FRMPD4: variants seen among roughly 807,000 people sequenced by gnomAD.
The protein encoded by FRMPD4 is FERM and PDZ domain-containing protein 4.
FRMPD4 carries 22 observed loss-of-function variants against 94.1 expected under a neutral mutation model. The observed-to-expected ratio is 0.23, with a 90% CI of 0.17 to 0.33. The LOEUF is 0.33. Among genes scored for constraint, FRMPD4 ranks in the 10% least tolerant of loss-of-function variants. The probability of loss-of-function intolerance (pLI) is 1.00; values close to 1 mark genes in which losing one functional copy is unlikely to be tolerated. For missense variants in FRMPD4, 1,111 were observed against 1,339.9 expected (o/e 0.83, Z 2.67); for synonymous variants, 631 against 548.6 (o/e 1.15, Z -2.10).
At chrX:12,657,766 T>C (rs916808858) in intron 4 of FRMPD4, among the ~76,000 whole-genome samples, 2 of 112,442 alleles carry the variant, frequency 1.8e-5, no homozygotes, top group Non-Finnish European at 3.8e-5. Context: ...GAATAATTAA[T>C]TAACAGAATC....
intron 5 of FRMPD4, among the ~76,000 whole-genome samples, chrX:12,678,662 C>G (rs763749378): frequency 5.7e-4 from 64 of 111,791 alleles, no homozygotes; most frequent in Non-Finnish European, 1.0e-3. Flanking sequence ...CCCGTCTCTA[C>G]TAAAAATACA....
At chrX:12,041,250 T>A (rs1215817124) in intron 3 of FRMPD4, among the ~76,000 whole-genome samples, 1 of 112,270 alleles carries the variant, frequency 8.9e-6, no homozygotes, top group Non-Finnish European at 1.9e-5. Flanking sequence ...TATACACATA[T>A]ATGGTTCAGT....
chrX:11,899,867 G>T (rs1390205237), intron 3 of FRMPD4, among the ~76,000 whole-genome samples: 1 of 112,408 alleles, frequency 8.9e-6, no homozygotes, highest in African/African-American at 3.2e-5. Context: ...TTGTGATTCA[G>T]TGGTCCATAC....
intron 3 of FRMPD4, among the ~76,000 whole-genome samples, chrX:12,053,350 G>GAAAGAA: frequency 1.3e-4 from 8 of 61,398 alleles, no homozygotes; most frequent in African/African-American, 3.7e-4. Context: ...AAGAAAGAAA[G>GAAAGAA]GAAAGAAAGA....
intron 3 of FRMPD4, among the ~76,000 whole-genome samples, chrX:12,051,977 G>T (rs1413574356): frequency 8.9e-6 from 1 of 111,817 alleles, no homozygotes. Flanking sequence ...GTACTTTTCA[G>T]CTGTGTTTAC....
At chrX:12,171,358 A>G (rs2056218820) in intron 1 of FRMPD4, among the ~76,000 whole-genome samples, 1 of 112,163 alleles carries the variant, frequency 8.9e-6, no homozygotes, top group African/African-American at 3.2e-5. Context: ...GCTATATGAC[A>G]GATATGGTTA....
intron 2 of FRMPD4, among the ~76,000 whole-genome samples, chrX:11,869,122 G>A (rs750905200): frequency 9.8e-5 from 11 of 112,044 alleles, no homozygotes; most frequent in Non-Finnish European, 1.9e-4. Flanking sequence ...GAAATTCAAG[G>A]TGATACTAAC....
chrX:12,377,859 T>A (rs1405895480), intron 1 of FRMPD4, among the ~76,000 whole-genome samples: 3 of 112,459 alleles, frequency 2.7e-5, no homozygotes, highest in Non-Finnish European at 5.6e-5. Context: ...TCCTCGTGTT[T>A]CACATAAATG....
At chrX:12,168,054 A>T (rs758381663) in intron 1 of FRMPD4, among the ~76,000 whole-genome samples, 1 of 110,495 alleles carries the variant, frequency 9.1e-6, no homozygotes, top group African/African-American at 3.3e-5. Context: ...GAGGTTAGGG[A>T]TGCTGTTATG....
At chrX:12,329,388 A>T (rs2055336714) in intron 1 of FRMPD4, among the ~76,000 whole-genome samples, 2 of 111,331 alleles carry the variant, frequency 1.8e-5, no homozygotes, top group Admixed American at 9.6e-5. Flanking sequence ...TTTGTATGGC[A>T]TGCCTTGGGG....
intron 3 of FRMPD4, among the ~76,000 whole-genome samples, chrX:11,964,497 T>C (rs182583471): frequency 1.8e-5 from 2 of 111,368 alleles, no homozygotes; most frequent in Admixed American, 1.9e-4. Flanking sequence ...ATGTTCTTCA[T>C]GGCTTTGACA....
At position 12,369,699 on chromosome X, in the gene FRMPD4, G is replaced by A. The variant is rs1490618762; in HGVS notation, c.42-128981G>A. ...GGAGAGAAAATGGCAGAGTCTCATA[G>A]TCAGTGGAAACTGCTGTTATAAAGA... On this transcript the variant is annotated intron_variant, in intron 1 of 16. Transcript: ENST00000675598. Among the ~76,000 whole-genome samples the A allele has an allele frequency of 2.7e-5, 3 of 111,859 alleles. No homozygotes were observed. In the East Asian group the frequency reaches 8.4e-4, roughly 31 times the overall value.
chrX:12,243,691 G>A (rs1184611875), intron 1 of FRMPD4, among the ~76,000 whole-genome samples: 1 of 107,405 alleles, frequency 9.3e-6, no homozygotes, highest in East Asian at 2.9e-4. Context: ...TATGACATGT[G>A]GGAAGGTGAA....
At chrX:11,859,712 C>A (rs2053674502) in intron 1 of FRMPD4, among the ~76,000 whole-genome samples, 1 of 111,693 alleles carries the variant, frequency 9.0e-6, no homozygotes, top group South Asian at 3.7e-4. Flanking sequence ...TTATTTCTAC[C>A]ATCCTGCTTC....
intron 2 of FRMPD4, among the ~76,000 whole-genome samples, chrX:12,581,153 A>T (rs1375775126): frequency 8.9e-6 from 1 of 112,715 alleles, no homozygotes; most frequent in East Asian, 2.8e-4. Flanking sequence ...TGCCTAAAAG[A>T]CAGTATGCAG....
chrX:12,239,036 A>G lies in FRMPD4; in HGVS notation c.41+100024A>G, dbSNP rs1173399581. Among the ~76,000 whole-genome samples, 15 of 112,506 alleles carry G rather than the reference A, an allele frequency of 1.3e-4. No individual in the cohort carries two copies. In the Admixed American group the frequency reaches 1.4e-3, roughly 11 times the overall value. ...ATGACTTATTTGTACATGTCATCGT[A>G]TATGAATTATTTGTTTATGCTATCA... is the stretch of plus-strand genomic sequence containing the variant. On this transcript the variant is annotated intron_variant, in intron 1 of 16. Transcript: ENST00000675598.
chrX:12,539,361 T>A (rs2058378213), intron 2 of FRMPD4, among the ~76,000 whole-genome samples: 1 of 111,841 alleles, frequency 8.9e-6, no homozygotes, highest in Admixed American at 9.5e-5. Context: ...TGGAAAACAC[T>A]CTGCAGGATA....
chrX:12,567,637 C>T (rs192043268), intron 2 of FRMPD4, among the ~76,000 whole-genome samples: 43 of 111,696 alleles, frequency 3.8e-4, no homozygotes, highest in African/African-American at 1.3e-3. Flanking sequence ...CAGGGGTTCA[C>T]TTTCTGTAGA....
intron 1 of FRMPD4, among the ~76,000 whole-genome samples, chrX:12,241,295 T>C (rs892279505): frequency 8.0e-5 from 9 of 112,169 alleles, no homozygotes; most frequent in Non-Finnish European, 1.5e-4. Context: ...GCCATCAACT[T>C]TGGGTGTATG....
Sources: gnomAD v4.1 joint callset for allele counts (sites outside exome capture counted in the v4.1 genomes callset) on GRCh38, gnomAD v4.1.1 for gene constraint, MANE v1.5 for transcripts, NCBI Gene and HGNC (gene_info 2026-07-23, HGNC 2026-07-21) for gene names.